Variants in ZNF385D observed in about 807,000 individuals in gnomAD.
The protein encoded by ZNF385D is zinc finger protein 659.
ZNF385D carries 15 observed loss-of-function variants against 35.8 expected under a neutral mutation model. The ratio of observed to expected loss-of-function variants is 0.42; its 90% CI spans 0.28 to 0.64. The LOEUF is 0.64. ZNF385D is among the 30% of genes least tolerant of loss of function. The probability of loss-of-function intolerance (pLI) is 0.23; values close to 1 mark genes in which losing one functional copy is unlikely to be tolerated. For missense variants in ZNF385D, 474 were observed against 494.6 expected (o/e 0.96, Z 0.39); for synonymous variants, 212 against 186.8 (o/e 1.13, Z -1.10).
At chr3:21,839,983 C>G (rs1695563451) in intron 3 of ZNF385D, among the ~76,000 whole-genome samples, 1 of 152,014 alleles carries the variant, frequency 6.6e-6, no homozygotes, top group Admixed American at 6.6e-5. Context: ...ATGCTTGTGC[C>G]TATACTGCTT....
chr3:21,748,050 C>G (rs1471910505), intron 1 of ZNF385D, among the ~76,000 whole-genome samples: 1 of 152,096 alleles, frequency 6.6e-6, no homozygotes, highest in Non-Finnish European at 1.5e-5. Flanking sequence ...AATGCAAGAT[C>G]CAAGATTGAT....
At chr3:21,690,229 A>C (rs754760915) in intron 1 of ZNF385D, among the ~76,000 whole-genome samples, 15 of 152,178 alleles carry the variant, frequency 9.9e-5, no homozygotes, top group Non-Finnish European at 2.2e-4. Context: ...ATATACATCC[A>C]TACACACACA....
intron 2 of ZNF385D, among the ~76,000 whole-genome samples, chr3:22,186,259 T>C (rs1208375457): frequency 2.0e-5 from 3 of 152,142 alleles, no homozygotes; most frequent in Non-Finnish European, 2.9e-5. Flanking sequence ...CAAAGTCATC[T>C]TGGAGAGAAA....
chr3:22,231,166 A>G (rs572733284), intron 2 of ZNF385D, among the ~76,000 whole-genome samples: 2 of 152,300 alleles, frequency 1.3e-5, no homozygotes, highest in South Asian at 4.1e-4. Flanking sequence ...ATAGCCAAAA[A>G]GTGCAATTGT....
At chr3:22,027,249 C>T (rs1697617276) in intron 3 of ZNF385D, among the ~76,000 whole-genome samples, 3 of 152,174 alleles carry the variant, frequency 2.0e-5, no homozygotes, top group Admixed American at 2.0e-4. Flanking sequence ...CAACACATTC[C>T]TCATTTGGGT....
At chr3:22,048,123 T>C (rs1211991336) in intron 3 of ZNF385D, among the ~76,000 whole-genome samples, 3 of 152,172 alleles carry the variant, frequency 2.0e-5, no homozygotes. Flanking sequence ...GTTCCATATA[T>C]ATTTTTTGGA....
intron 1 of ZNF385D, among the ~76,000 whole-genome samples, chr3:21,725,617 T>A (rs1167249145): frequency 1.3e-5 from 2 of 151,938 alleles, no homozygotes; most frequent in Non-Finnish European, 2.9e-5. Context: ...TATACACCCG[T>A]CCAAATCTAA....
At chr3:22,079,892 A>G (rs1559352814) in intron 3 of ZNF385D, among the ~76,000 whole-genome samples, 1 of 151,606 alleles carries the variant, frequency 6.6e-6, no homozygotes, top group Non-Finnish European at 1.5e-5. Context: ...AGATTCAAAT[A>G]TGTGTGTGTG....
At chr3:21,500,327 T>C (rs1299567484) in intron 4 of ZNF385D, among the ~76,000 whole-genome samples, 1 of 152,212 alleles carries the variant, frequency 6.6e-6, no homozygotes, top group Non-Finnish European at 1.5e-5. Flanking sequence ...TACTATTTGC[T>C]AGGTTTAATG....
At chr3:21,690,119 A>C (rs2067233764) in intron 1 of ZNF385D, among the ~76,000 whole-genome samples, 1 of 152,104 alleles carries the variant, frequency 6.6e-6, no homozygotes, top group South Asian at 2.1e-4. Flanking sequence ...ATATTTCAGT[A>C]AAAAATCCAT....
intron 3 of ZNF385D, among the ~76,000 whole-genome samples, chr3:22,034,052 G>A (rs1698169752): frequency 6.6e-6 from 1 of 152,188 alleles, no homozygotes; most frequent in South Asian, 2.1e-4. Flanking sequence ...AGCAAACCGA[G>A]ATGGTTAACC....
intron 3 of ZNF385D, among the ~76,000 whole-genome samples, chr3:22,162,536 T>A (rs559987842): frequency 2.1e-4 from 32 of 152,152 alleles, no homozygotes; most frequent in Non-Finnish European, 5.9e-5. Context: ...CAGCTCTGAG[T>A]TTACTTGAGA....
At chr3:22,209,354 G>A (rs1434336266) in intron 2 of ZNF385D, among the ~76,000 whole-genome samples, 1 of 151,814 alleles carries the variant, frequency 6.6e-6, no homozygotes, top group Admixed American at 6.6e-5. Context: ...AAAGTGAGTG[G>A]CGAATACAAT....
intron 2 of ZNF385D, among the ~76,000 whole-genome samples, chr3:21,599,950 T>C (rs894587210): frequency 6.6e-6 from 1 of 152,168 alleles, no homozygotes; most frequent in Non-Finnish European, 1.5e-5. Context: ...CTGCTCGGGA[T>C]ACAGGTCATA....
chr3:21,857,796 A>G (rs12494052), intron 3 of ZNF385D, among the ~76,000 whole-genome samples: 35,738 of 151,552 alleles, frequency 0.24, 4,663 homozygotes, highest in Middle Eastern at 0.29. Flanking sequence ...TTCAGAGAGG[A>G]GTCACCTTTT....
intron 2 of ZNF385D, among the ~76,000 whole-genome samples, chr3:22,336,831 C>G (rs1695178752): frequency 7.4e-6 from 1 of 135,740 alleles, no homozygotes; most frequent in Admixed American, 8.5e-5. Context: ...AAAATGCCAC[C>G]TGTGCTTTAA....
At chr3:21,914,912 C>T (rs189308642) in intron 3 of ZNF385D, among the ~76,000 whole-genome samples, 1 of 145,246 alleles carries the variant, frequency 6.9e-6, no homozygotes, top group Admixed American at 6.8e-5. Flanking sequence ...AAAAAAATGG[C>T]AAAAAAATTC....
chr3:21,826,288 T>C (rs1694619120), intron 3 of ZNF385D, among the ~76,000 whole-genome samples: 1 of 152,218 alleles, frequency 6.6e-6, no homozygotes. Context: ...GAACAACGTT[T>C]ACCGCAATCC....
intron 1 of ZNF385D, among the ~76,000 whole-genome samples, chr3:21,728,943 C>A (rs1322328746): frequency 1.3e-5 from 2 of 152,170 alleles, no homozygotes; most frequent in East Asian, 3.9e-4. Context: ...GTTTTGTTCA[C>A]TGATTCACCT....
Sources: allele counts gnomAD v4.1 joint callset (sites outside exome capture counted in the v4.1 genomes callset), GRCh38; gene constraint gnomAD v4.1.1; transcripts MANE v1.5; gene names NCBI Gene and HGNC (gene_info 2026-07-23, HGNC 2026-07-21).